The following ZC3HC1 variants were observed in gnomAD, a reference collection of about 807,000 sequenced individuals.
ZC3HC1 encodes the protein zinc finger C3HC-type containing 1.
Under a neutral mutation model 61.9 loss-of-function variants are expected in ZC3HC1, and 38 were observed. That is an observed-to-expected ratio of 0.61 (90% CI 0.47 to 0.81). The LOEUF (loss-of-function observed/expected upper bound fraction) is 0.81, where lower values mean the gene tolerates loss of function less well. Among genes scored for constraint, ZC3HC1 ranks in the 30% least tolerant of loss-of-function variants. The pLI is 0.00. For synonymous variants in ZC3HC1, 213 were observed against 229.9 expected (o/e 0.93, Z 0.67); for missense variants, 554 against 622.7 (o/e 0.89, Z 1.17).
chr7:130,050,514 C>A, intron 1 of ZC3HC1: 1 of 1,469,584 alleles, frequency 6.8e-7, no homozygotes, highest in Non-Finnish European at 8.9e-7. Flanking sequence ...TTCACAGCAT[C>A]CATAAACTTG....
chr7:130,034,927 A>T lies in ZC3HC1; in HGVS notation c.493+4537T>A, dbSNP rs1794372278. Among the ~76,000 whole-genome samples the T allele has an allele frequency of 2.0e-5, 3 of 152,154 alleles. No homozygotes were observed. The South Asian group carries it at 6.2e-4, about 32-fold the overall frequency. On this transcript the variant is annotated intron_variant, in intron 4 of 9. Coordinates refer to ENST00000358303, the MANE Select transcript of ZC3HC1 (RefSeq NM_016478.5). Reference sequence around the variant, plus strand: ...CCTTCAAAAAATCTCGTAGCTTCTCATCACATACATTTAATAAAATCATGG... The same window carrying T: ...CCTTCAAAAAATCTCGTAGCTTCTCTTCACATACATTTAATAAAATCATGG...
intron 4 of ZC3HC1, among the ~76,000 whole-genome samples, chr7:130,031,847 C>G (rs977670055): frequency 1.3e-5 from 2 of 152,178 alleles, no homozygotes; most frequent in Non-Finnish European, 2.9e-5. Flanking sequence ...TGTGCTCCCC[C>G]CACCACACAC....
rs1793806661 is a variant in ZC3HC1, at chr7:130,024,597, A to G, written c.777-91T>C. 8.5e-6 allele frequency: 12 copies of G among 1,406,668 alleles called. 1 individual carries two copies. In the South Asian group the frequency reaches 1.7e-4, roughly 20 times the overall value. 87.1% of individuals were successfully genotyped at this position (1,406,668 alleles called of 1,614,324 possible). On this transcript the variant is annotated intron_variant, in intron 6 of 9. Transcript: ENST00000358303. ...CTTGTGAGTATGCCTTATCTCATCC[A>G]ATTTCTGGAACAGTCACCATGTCCT...
Position 130,023,058 on chromosome 7 carries a change from ACT to A in ZC3HC1, c.1233+451_1233+452del, listed in dbSNP as rs1563073713. ...GAAAACAAGCTGCAGGTTCCCACTG[ACT>A]CTATATTATGGTGAGTTGTACAATT... is the stretch of plus-strand genomic sequence containing the variant. On this transcript the variant is annotated intron_variant, in intron 8 of 9. Transcript: ENST00000358303. The surrounding 1 kb of genome is among the most constrained non-coding windows in gnomAD (Gnocchi z 4.2). 5.8e-6 allele frequency: 1 copy of A among 171,244 alleles called. No individual in the cohort carries two copies. Among genetic ancestry groups the A allele is most frequent in the Non-Finnish European group, 1.3e-5 (1 of 79,196 alleles). The allele number at this position is 171,244 out of a possible 1,614,324, so 10.6% of individuals were successfully genotyped here.
In ZC3HC1 at chr7:130,051,251, C is replaced by A. The variant is rs1462605999; in HGVS notation, c.116G>T (p.Gly39Val). Residue 39 changes from glycine (G) to valine (V), a missense_variant, in exon 1 of 10, where the codon GGG becomes GTG. Transcript: ENST00000358303. ...PQKIRQLIDE[G>V]IAPEEGGVDA... ...CACGCCTCCCTCTTCCGGGGCAATC[C>A]CCTCATCTATCAGCTGCCGGATTTT... The A allele has an allele frequency of 6.2e-7, 1 of 1,611,384 alleles. No individual in the cohort carries two copies. The highest frequency in any genetic ancestry group is 8.5e-7 in the Non-Finnish European group (1 of 1,178,870).
At chr7:130,051,125 T>TCGC in intron 1 of ZC3HC1, 96 bp downstream of exon 1, 1 of 1,469,030 alleles carries the variant, frequency 6.8e-7, no homozygotes, top group Admixed American at 2.5e-5. Flanking sequence ...ACTGCCCGAG[T>TCGC]CGCCGACCGA....
At chr7:130,019,918 G>A (rs1793563383) in intron 9 of ZC3HC1, among the ~76,000 whole-genome samples, 1 of 145,722 alleles carries the variant, frequency 6.9e-6, no homozygotes, top group Admixed American at 7.3e-5. Flanking sequence ...CCTGGTTCAA[G>A]CGATTCTCCT....
intron 9 of ZC3HC1, among the ~76,000 whole-genome samples, chr7:130,019,977 C>G (rs1156518687): frequency 6.6e-6 from 1 of 151,682 alleles, no homozygotes; most frequent in Non-Finnish European, 1.5e-5. Flanking sequence ...CCACCACGCC[C>G]AGCTAATTTT....
chr7:130,050,539 A>G (rs996568226), intron 1 of ZC3HC1: 77 of 1,413,246 alleles, frequency 5.4e-5, no homozygotes, highest in Non-Finnish European at 7.0e-5. Flanking sequence ...GGTAAAAATG[A>G]CATTTATTTC....
At chr7:130,024,894 CTTTTTTTTTTTTTTTTTT>C (rs544256735) in intron 6 of ZC3HC1, among the ~76,000 whole-genome samples, 4 of 37,056 alleles carry the variant, frequency 1.1e-4, no homozygotes, top group Non-Finnish European at 1.8e-4. Context: ...TCCTGTCCCT[CTTTTTTTTTTTTTTTTTT>C]TTTTTTTTTT....
intron 2 of ZC3HC1, among the ~76,000 whole-genome samples, chr7:130,044,144 G>A (rs1156953371): frequency 6.6e-6 from 1 of 152,134 alleles, no homozygotes; most frequent in South Asian, 2.1e-4. Context: ...GAGAACAGTG[G>A]CATCCCACTA....
chr7:130,023,372 A>T lies in ZC3HC1; in HGVS notation c.1233+139T>A. ...TGACTGACATTTTTTCCCTTTGGTCATCCAACTTTAAATTTATTCACATGG... is the reference window on the plus strand; with the variant it reads ...TGACTGACATTTTTTCCCTTTGGTCTTCCAACTTTAAATTTATTCACATGG... On this transcript the variant is annotated intron_variant, in intron 8 of 9. Coordinates refer to ENST00000358303, the MANE Select transcript of ZC3HC1 (RefSeq NM_016478.5). The surrounding 1 kb of genome is among the most constrained non-coding windows in gnomAD (Gnocchi z 4.2). 2 of 824,146 alleles carry T rather than the reference A, an allele frequency of 2.4e-6. No homozygotes were observed. The highest frequency in any genetic ancestry group is 3.8e-6 in the Non-Finnish European group (2 of 527,830). 51.1% of individuals were successfully genotyped at this position (824,146 alleles called of 1,614,324 possible).
Position 130,023,154 on chromosome 7 carries a change from C to A in ZC3HC1, c.1233+357G>T. On this transcript the variant is annotated intron_variant, in intron 8 of 9. Coordinates refer to ENST00000358303, the MANE Select transcript of ZC3HC1 (RefSeq NM_016478.5). The surrounding 1 kb of genome is among the most constrained non-coding windows in gnomAD (Gnocchi z 4.2). ...CACAATACATGTAATGTGCTCGTAT[C>A]ATCCCGAAACCATCCTCCCAACCGT... 1 of 260,800 alleles carries A rather than the reference C, an allele frequency of 3.8e-6. No homozygotes were observed. The highest frequency in any genetic ancestry group is 6.3e-5 in the South Asian group (1 of 15,866). The allele number at this position is 260,800 out of a possible 1,614,324, so 16.2% of individuals were successfully genotyped here.
chr7:130,050,476 A>T, intron 1 of ZC3HC1: 2 of 1,520,790 alleles, frequency 1.3e-6, no homozygotes, highest in Non-Finnish European at 1.8e-6. Context: ...GAGAGCCTCA[A>T]GCGGGTGTGG....
At chr7:130,049,549 CT>C (rs148074514) in intron 1 of ZC3HC1, among the ~76,000 whole-genome samples, 258 of 146,812 alleles carry the variant, frequency 1.8e-3, no homozygotes, top group African/African-American at 4.0e-3. Context: ...AGAAATTCGA[CT>C]TTTTTTTTTT....
rs555782404 is a variant in ZC3HC1, at chr7:130,045,427, C to T, written c.258+3606G>A. On this transcript the variant is annotated intron_variant, in intron 2 of 9. Coordinates refer to ENST00000358303, the MANE Select transcript of ZC3HC1 (RefSeq NM_016478.5). ...AGTCTCTGCTCCTTTCACAGAGCTA[C>T]CCATCAGTACCATGTTGGCCATGTT... 79 of 454,486 alleles carry T rather than the reference C, an allele frequency of 1.7e-4. 1 individual carries two copies. Among genetic ancestry groups the T allele is most frequent in the South Asian group, 1.2e-3 (74 of 64,162 alleles). 28.2% of individuals were successfully genotyped at this position (454,486 alleles called of 1,614,324 possible). A position where few individuals can be genotyped will look rare whatever the true frequency, so the allele number is the denominator to read the frequency against.
chr7:130,050,430 G>T, intron 1 of ZC3HC1: 4 of 1,533,070 alleles, frequency 2.6e-6, no homozygotes, highest in Non-Finnish European at 3.5e-6. Context: ...TAGCTCAAAA[G>T]AAATAAACTT....
intron 4 of ZC3HC1, among the ~76,000 whole-genome samples, chr7:130,034,339 G>A (rs1483050318): frequency 1.3e-5 from 2 of 151,658 alleles, no homozygotes; most frequent in African/African-American, 4.8e-5. Context: ...CAAAAAATTA[G>A]CCGGGTGTGG....
intron 4 of ZC3HC1, among the ~76,000 whole-genome samples, chr7:130,034,344 G>A (rs1794341888): frequency 6.6e-6 from 1 of 151,620 alleles, no homozygotes; most frequent in Admixed American, 6.6e-5. Flanking sequence ...AATTAGCCGG[G>A]TGTGGTGGCG....
Sources: gnomAD v4.1 joint callset for allele counts (sites outside exome capture counted in the v4.1 genomes callset) on GRCh38, gnomAD v4.1.1 for gene constraint, Gnocchi (gnomAD v3.1) non-coding constraint, MANE v1.5 for transcripts, NCBI Gene and HGNC (gene_info 2026-07-23, HGNC 2026-07-21) for gene names.